The following IL1RAP variants were observed in gnomAD, a reference collection of about 807,000 sequenced individuals.
The protein encoded by IL1RAP is interleukin 1 receptor accessory protein.
A neutral mutation model predicts 60.7 loss-of-function variants in IL1RAP; 35 were observed. That is an observed-to-expected ratio of 0.58 (90% CI 0.44 to 0.76). IL1RAP has a LOEUF of 0.76. IL1RAP is among the 30% of genes least tolerant of loss of function. IL1RAP has a pLI of 0.00. For missense variants in IL1RAP, 572 were observed against 693.9 expected (o/e 0.82, Z 1.97); for synonymous variants, 268 against 250.9 (o/e 1.07, Z -0.64).
chr3:190,603,044 C>G (rs1308645562), intron 3 of IL1RAP, among the ~76,000 whole-genome samples: 1 of 150,074 alleles, frequency 6.7e-6, no homozygotes, highest in African/African-American at 2.4e-5. Context: ...GTTTTTTTTT[C>G]TGAGTAGATG....
chr3:190,527,509 T>C (rs2108525685), intron 1 of IL1RAP, among the ~76,000 whole-genome samples: 1 of 152,232 alleles, frequency 6.6e-6, no homozygotes, highest in African/African-American at 2.4e-5. Context: ...TCCCCTGCAG[T>C]GAAGACACAT....
chr3:190,644,784 G>A (rs74287446), intron 10 of IL1RAP, among the ~76,000 whole-genome samples: 6,395 of 152,232 alleles, frequency 0.042, 258 homozygotes, highest in African/African-American at 0.096. Context: ...ATATTTTAGT[G>A]TTTTCTTTGG....
chr3:190,642,282 T>A (rs933262649), intron 9 of IL1RAP: 2 of 152,322 alleles, frequency 1.3e-5, no homozygotes. Context: ...CGTGACTCCT[T>A]CCCGAAGCTG....
intron 1 of IL1RAP, among the ~76,000 whole-genome samples, chr3:190,527,498 C>T (rs1722608315): frequency 6.6e-6 from 1 of 152,116 alleles, no homozygotes; most frequent in Non-Finnish European, 1.5e-5. Context: ...CTCCAGGGAC[C>T]TCCCCTGCAG....
At chr3:190,578,788 G>A (rs779851233) in intron 3 of IL1RAP, among the ~76,000 whole-genome samples, 9 of 152,228 alleles carry the variant, frequency 5.9e-5, no homozygotes, top group Admixed American at 2.6e-4. Flanking sequence ...AAAAGGAGGA[G>A]CAAAGGCATG....
intron 5 of IL1RAP, among the ~76,000 whole-genome samples, chr3:190,619,336 AT>A (rs915625631): frequency 6.6e-6 from 1 of 152,240 alleles, no homozygotes; most frequent in African/African-American, 2.4e-5. Context: ...GTCAACAGTT[AT>A]ATGCAAATGT....
chr3:190,600,134 T>G (rs1729731847), intron 3 of IL1RAP, among the ~76,000 whole-genome samples: 1 of 152,196 alleles, frequency 6.6e-6, no homozygotes, highest in South Asian at 2.1e-4. Context: ...ATTCTAAATG[T>G]GAGTGTGAAG....
chr3:190,608,958 C>G, intron 4 of IL1RAP, 37 bp from the exon 5 acceptor site: 1 of 1,535,596 alleles, frequency 6.5e-7, no homozygotes, highest in Non-Finnish European at 9.0e-7. Flanking sequence ...AAATCAAATG[C>G]AAATACTACC....
chr3:190,562,013 C>T (rs957908829), intron 2 of IL1RAP, among the ~76,000 whole-genome samples: 2 of 152,136 alleles, frequency 1.3e-5, no homozygotes, highest in East Asian at 3.9e-4. Flanking sequence ...AAGCCTTTGG[C>T]CTGTTATTTA....
chr3:190,522,025 G>A (rs1722065955), intron 1 of IL1RAP, among the ~76,000 whole-genome samples: 1 of 152,090 alleles, frequency 6.6e-6, no homozygotes, highest in South Asian at 2.1e-4. Context: ...TAAAATGTGA[G>A]TTCTTTCTGT....
intron 1 of IL1RAP, among the ~76,000 whole-genome samples, chr3:190,532,698 C>T (rs1379644985): frequency 6.6e-6 from 1 of 152,206 alleles, no homozygotes; most frequent in African/African-American, 2.4e-5. Flanking sequence ...CTTTGCCTCC[C>T]TGTGCTGAGG....
In IL1RAP at chr3:190,565,642, C is replaced by T. The variant is rs555332477; in HGVS notation, c.64+1289C>T. On this transcript the variant is annotated intron_variant, in intron 3 of 11. Coordinates refer to ENST00000447382, the MANE Select transcript of IL1RAP (RefSeq NM_002182.4). Reference sequence around the variant, plus strand: ...TCACAGAGGAATGGCTGTAGATAACCGGAGATGTTATTCGGCTGGGATGCG... The same window carrying T: ...TCACAGAGGAATGGCTGTAGATAACTGGAGATGTTATTCGGCTGGGATGCG... 5.3e-5 allele frequency among the ~76,000 whole-genome samples: 8 copies of T among 152,240 alleles called. No individual in the cohort carries two copies. The South Asian group carries it at 1.0e-3, about 20-fold the overall frequency.
At chr3:190,623,879 T>G (rs1174916573) in intron 7 of IL1RAP, among the ~76,000 whole-genome samples, 1 of 152,250 alleles carries the variant, frequency 6.6e-6, no homozygotes, top group Non-Finnish European at 1.5e-5. Context: ...TTACTGTGGC[T>G]CTTCGGTTCT....
At position 190,517,081 on chromosome 3, in the gene IL1RAP, A is replaced by G. The variant is rs552952540; in HGVS notation, c.-89+2862A>G. Among the ~76,000 whole-genome samples, 11 of 152,304 alleles carry G rather than the reference A, an allele frequency of 7.2e-5. No individual in the cohort carries two copies. The South Asian group carries it at 2.1e-3, about 29-fold the overall frequency. Reference sequence around the variant, plus strand: ...ATATCCTTTTTGTTGAAAAGCAGGTATTTTCTTGCAAAGAGAACAATCCTT... The same window carrying G: ...ATATCCTTTTTGTTGAAAAGCAGGTGTTTTCTTGCAAAGAGAACAATCCTT... On this transcript the variant is annotated intron_variant, in intron 1 of 11. Coordinates refer to ENST00000447382, the MANE Select transcript of IL1RAP (RefSeq NM_002182.4).
chr3:190,576,383 TAC>T (rs34872356), intron 3 of IL1RAP, among the ~76,000 whole-genome samples: 8 of 151,286 alleles, frequency 5.3e-5, no homozygotes, highest in African/African-American at 7.3e-5. Context: ...TATATATATA[TAC>T]ACACACACAC....
chr3:190,595,578 C>T (rs539850681), intron 3 of IL1RAP, among the ~76,000 whole-genome samples: 4 of 152,258 alleles, frequency 2.6e-5, no homozygotes, highest in East Asian at 1.9e-4. Flanking sequence ...CCAAAATTAA[C>T]GTCAAACCAG....
chr3:190,617,326 C>T (rs115673162), intron 5 of IL1RAP, among the ~76,000 whole-genome samples: 70 of 152,298 alleles, frequency 4.6e-4, no homozygotes, highest in African/African-American at 1.6e-3. Flanking sequence ...TTCATCATGA[C>T]ATTCCTCCAC....
chr3:190,608,302 G>A (rs1730524776), intron 4 of IL1RAP, among the ~76,000 whole-genome samples: 1 of 152,096 alleles, frequency 6.6e-6, no homozygotes, highest in African/African-American at 2.4e-5. Flanking sequence ...AGCAGGTTGT[G>A]GTACTGAATA....
chr3:190,594,887 A>G lies in IL1RAP; in HGVS notation c.65-9241A>G, dbSNP rs148475915. ...ATAGGCTTATTTCATTTTCATAACTATTTTACACTATTATGAGCTTCTTTT... is the reference window on the plus strand; with the variant it reads ...ATAGGCTTATTTCATTTTCATAACTGTTTTACACTATTATGAGCTTCTTTT... On this transcript the variant is annotated intron_variant, in intron 3 of 11. Coordinates refer to ENST00000447382, the MANE Select transcript of IL1RAP (RefSeq NM_002182.4). 2.6e-3 allele frequency among the ~76,000 whole-genome samples: 393 copies of G among 152,286 alleles called. 2 individuals carry two copies. Among genetic ancestry groups the G allele is most frequent in the African/African-American group, 7.7e-3 (318 of 41,560 alleles).
Sources: allele counts gnomAD v4.1 joint callset (sites outside exome capture counted in the v4.1 genomes callset), GRCh38; gene constraint gnomAD v4.1.1; transcripts MANE v1.5; gene names NCBI Gene and HGNC (gene_info 2026-07-23, HGNC 2026-07-21).